Variants in CYP19A1 observed in about 807,000 individuals in gnomAD.
CYP19A1 encodes the protein aromatase.
In CYP19A1, 32 loss-of-function variants were observed where a neutral mutation model predicts 44.4. That is an observed-to-expected ratio of 0.72 (90% CI 0.54 to 0.97). The LOEUF (loss-of-function observed/expected upper bound fraction) is 0.97, where lower values mean the gene tolerates loss of function less well. CYP19A1 is among the 50% of genes least tolerant of loss of function. The probability of loss-of-function intolerance (pLI) is 0.00; values close to 1 mark genes in which losing one functional copy is unlikely to be tolerated. For missense variants in CYP19A1, 598 were observed against 637.8 expected (o/e 0.94, Z 0.67); for synonymous variants, 212 against 215.6 (o/e 0.98, Z 0.14).
chr15:51,270,775 A>T (rs1472540935), intron 1 of CYP19A1, among the ~76,000 whole-genome samples: 1 of 152,184 alleles, frequency 6.6e-6, no homozygotes, highest in Non-Finnish European at 1.5e-5. Flanking sequence ...CTTTCCTCCC[A>T]CCGCAAGCTG....
intron 1 of CYP19A1, among the ~76,000 whole-genome samples, chr15:51,299,924 A>G (rs183519128): frequency 4.0e-4 from 61 of 152,358 alleles, no homozygotes; most frequent in Non-Finnish European, 7.9e-4. Context: ...GAGCTGAGCC[A>G]AGAGGAGAGG....
intron 1 of CYP19A1, among the ~76,000 whole-genome samples, chr15:51,309,790 C>G (rs1451210759): frequency 2.0e-5 from 3 of 152,216 alleles, no homozygotes; most frequent in Non-Finnish European, 4.4e-5. Context: ...CTCAGATCCA[C>G]AAGATGTCTT....
chr15:51,240,361 C>T lies in CYP19A1; in HGVS notation c.145+2407G>A, dbSNP rs919515637. ...CTTTGAGTCTCAGTTTTGCCAACTA[C>T]AAAACAGACACAAACACACCAACCT... On this transcript the variant is annotated intron_variant, in intron 2 of 9. Transcript: ENST00000396402. 3.3e-5 allele frequency among the ~76,000 whole-genome samples: 5 copies of T among 152,248 alleles called. No homozygotes were observed. The East Asian group carries it at 7.7e-4, about 23-fold the overall frequency.
At chr15:51,240,273 G>A (rs1319656466) in intron 2 of CYP19A1, among the ~76,000 whole-genome samples, 1 of 152,072 alleles carries the variant, frequency 6.6e-6, no homozygotes, top group Admixed American at 6.5e-5. Context: ...TTACTTAGCA[G>A]TAAATACGGC....
chr15:51,246,013 C>T (rs2034037530), intron 1 of CYP19A1, among the ~76,000 whole-genome samples: 1 of 152,206 alleles, frequency 6.6e-6, no homozygotes, highest in South Asian at 2.1e-4. Flanking sequence ...ATGTTCACTC[C>T]TGGGCTATTT....
At chr15:51,276,893 G>T (rs1311378503) in intron 1 of CYP19A1, among the ~76,000 whole-genome samples, 1 of 152,084 alleles carries the variant, frequency 6.6e-6, no homozygotes, top group Non-Finnish European at 1.5e-5. Context: ...GATTGTGTTG[G>T]TTTTGAATGC....
At chr15:51,284,379 A>G (rs1456376055) in intron 1 of CYP19A1, among the ~76,000 whole-genome samples, 2 of 152,202 alleles carry the variant, frequency 1.3e-5, no homozygotes, top group African/African-American at 4.8e-5. Flanking sequence ...TTCCATGGGT[A>G]TCATTGGCGT....
At position 51,311,500 on chromosome 15, in the gene CYP19A1, T is replaced by C. The variant is rs189874463; in HGVS notation, c.-39+26995A>G. Among the ~76,000 whole-genome samples the C allele has an allele frequency of 2.0e-5, 3 of 152,334 alleles. No homozygotes were observed. The East Asian group carries it at 5.8e-4, about 29-fold the overall frequency. ...TGGGACAATACCAAATGGTCTAATGTTCATGTCATTGGAATCCTTAAAGGC... is the reference window on the plus strand; with the variant it reads ...TGGGACAATACCAAATGGTCTAATGCTCATGTCATTGGAATCCTTAAAGGC... On this transcript the variant is annotated intron_variant, in intron 1 of 9. Transcript: ENST00000396402.
intron 2 of CYP19A1, 61 bp from the exon 3 acceptor site, chr15:51,237,070 G>GCC (rs1566886660): frequency 6.3e-7 from 1 of 1,579,900 alleles, no homozygotes; most frequent in Non-Finnish European, 8.7e-7. Context: ...CAACTGTTTT[G>GCC]TGTTACTCCT....
At chr15:51,297,734 A>G (rs191683540) in intron 1 of CYP19A1, among the ~76,000 whole-genome samples, 3 of 151,362 alleles carry the variant, frequency 2.0e-5, no homozygotes, top group East Asian at 2.0e-4. Context: ...CAAATCTCCT[A>G]TATTGGCAAT....
intron 1 of CYP19A1, among the ~76,000 whole-genome samples, chr15:51,306,404 T>G (rs556645346): frequency 5.3e-5 from 8 of 152,218 alleles, no homozygotes; most frequent in Non-Finnish European, 1.0e-4. Flanking sequence ...GTTTTTTTGT[T>G]TTTTGTTTTT....
intron 1 of CYP19A1, among the ~76,000 whole-genome samples, chr15:51,292,587 C>G (rs187726882): frequency 3.9e-5 from 6 of 152,350 alleles, no homozygotes; most frequent in African/African-American, 1.4e-4. Flanking sequence ...ATTGGGAAGG[C>G]AGCTGTCTGG....
At chr15:51,314,980 T>A (rs1278259184) in intron 1 of CYP19A1, among the ~76,000 whole-genome samples, 5 of 152,136 alleles carry the variant, frequency 3.3e-5, no homozygotes, top group Non-Finnish European at 7.3e-5. Context: ...CAAGCCACTG[T>A]CCCTGGCAAC....
chr15:51,299,799 A>T (rs2036075203), intron 1 of CYP19A1, among the ~76,000 whole-genome samples: 1 of 152,118 alleles, frequency 6.6e-6, no homozygotes, highest in South Asian at 2.1e-4. Flanking sequence ...TTTGCTAAAC[A>T]CCCTCATTTT....
chr15:51,315,160 G>A (rs2445760), intron 1 of CYP19A1, among the ~76,000 whole-genome samples: 140 of 152,112 alleles, frequency 9.2e-4, no homozygotes, highest in African/African-American at 3.2e-3. Flanking sequence ...TCACTTACGG[G>A]CCCCTGCCTA....
chr15:51,263,489 G>C (rs982397061), intron 1 of CYP19A1, among the ~76,000 whole-genome samples: 3 of 152,204 alleles, frequency 2.0e-5, no homozygotes, highest in African/African-American at 7.2e-5. Flanking sequence ...GTGGAGTTAG[G>C]GAAGTTTTCA....
chr15:51,316,343 A>G (rs916879666), intron 1 of CYP19A1, among the ~76,000 whole-genome samples: 3 of 152,122 alleles, frequency 2.0e-5, no homozygotes, highest in African/African-American at 7.2e-5. Flanking sequence ...AAAAAAGAAA[A>G]AACATGTCAT....
At chr15:51,284,541 A>T (rs1837762455) in intron 1 of CYP19A1, among the ~76,000 whole-genome samples, 1 of 152,258 alleles carries the variant, frequency 6.6e-6, no homozygotes, top group Admixed American at 6.5e-5. Context: ...TGAAATATCT[A>T]TTCCTATGGA....
At chr15:51,287,896 G>A (rs1207399339) in intron 1 of CYP19A1, among the ~76,000 whole-genome samples, 1 of 152,158 alleles carries the variant, frequency 6.6e-6, no homozygotes, top group Non-Finnish European at 1.5e-5. Context: ...TGCCTCAGTG[G>A]AAAAATCAAT....
Sources: gnomAD v4.1 joint callset for allele counts (sites outside exome capture counted in the v4.1 genomes callset) on GRCh38, gnomAD v4.1.1 for gene constraint, MANE v1.5 for transcripts, NCBI Gene and HGNC (gene_info 2026-07-23, HGNC 2026-07-21) for gene names.